Variants in CTNNA3 observed in about 807,000 individuals in gnomAD.
The protein encoded by CTNNA3 is catenin alpha 3, also known as catenin alpha-3.
Under a neutral mutation model 95.7 loss-of-function variants are expected in CTNNA3, and 76 were observed. That is an observed-to-expected ratio of 0.79 (90% CI 0.66 to 0.96). The LOEUF (loss-of-function observed/expected upper bound fraction) is 0.96, where lower values mean the gene tolerates loss of function less well. Ranked by LOEUF, CTNNA3 falls within the 40% of genes least tolerant of loss-of-function variation. CTNNA3 has a pLI of 0.00. For synonymous variants in CTNNA3, 431 were observed against 374.4 expected, an observed-to-expected ratio of 1.15 and a Z score of -1.74; for missense variants, 1,191 against 1,089.8, an observed-to-expected ratio of 1.09 and a Z score of -1.31.
At chr10:66,753,440 G>A (rs1434689459) in intron 9 of CTNNA3, among the ~76,000 whole-genome samples, 1 of 151,990 alleles carries the variant, frequency 6.6e-6, no homozygotes, top group South Asian at 2.1e-4. Flanking sequence ...AAGTGGGCAG[G>A]TCACCTGAGG....
chr10:67,019,303 C>T (rs543141787), intron 7 of CTNNA3, among the ~76,000 whole-genome samples: 8 of 152,350 alleles, frequency 5.3e-5, no homozygotes, highest in Non-Finnish European at 1.5e-5. Flanking sequence ...ACCACAACCT[C>T]TGCCTTCCGG....
intron 3 of CTNNA3, among the ~76,000 whole-genome samples, chr10:67,540,346 T>C (rs1168113451): frequency 2.6e-5 from 4 of 152,132 alleles, no homozygotes; most frequent in Admixed American, 2.0e-4. Flanking sequence ...AACAACATAA[T>C]TGATAATTAC....
At chr10:65,967,454 T>C (rs2077996892) in intron 16 of CTNNA3, among the ~76,000 whole-genome samples, 1 of 152,150 alleles carries the variant, frequency 6.6e-6, no homozygotes, top group African/African-American at 2.4e-5. Context: ...AGACTCATGG[T>C]CTCTACACTG....
rs553706608 is a variant in CTNNA3, at chr10:67,486,751, T to C, written c.579+35091A>G. Among the ~76,000 whole-genome samples the C allele has an allele frequency of 3.3e-5, 5 of 152,330 alleles. 1 individual carries two copies. The South Asian group carries it at 1.0e-3, about 32-fold the overall frequency. ...TTTGTCCTCTGATTTTGTTCTACAT[T>C]TGTGGAAATAGATAATAGCCATTTG... On this transcript the variant is annotated intron_variant, in intron 5 of 17. Transcript: ENST00000433211.
chr10:66,811,023 T>C (rs894277667), intron 7 of CTNNA3, among the ~76,000 whole-genome samples: 3 of 152,220 alleles, frequency 2.0e-5, no homozygotes, highest in East Asian at 3.8e-4. Flanking sequence ...AGTGGAACTT[T>C]AGATAAACGC....
chr10:67,222,682 C>T (rs1864716630), intron 5 of CTNNA3, among the ~76,000 whole-genome samples: 1 of 152,124 alleles, frequency 6.6e-6, no homozygotes, highest in South Asian at 2.1e-4. Flanking sequence ...TGCACAGCTC[C>T]TCAGATGAGT....
chr10:66,830,749 A>G (rs773572770), intron 7 of CTNNA3, among the ~76,000 whole-genome samples: 1 of 152,052 alleles, frequency 6.6e-6, no homozygotes, highest in Non-Finnish European at 1.5e-5. Flanking sequence ...AGCTGGGACT[A>G]CAGGCGCCCG....
intron 13 of CTNNA3, among the ~76,000 whole-genome samples, chr10:66,127,990 T>G (rs1181630388): frequency 6.6e-6 from 1 of 152,026 alleles, no homozygotes. Flanking sequence ...GAGAATCGCT[T>G]GAAACTGGGA....
intron 13 of CTNNA3, among the ~76,000 whole-genome samples, chr10:66,142,942 A>T (rs2083692613): frequency 6.6e-6 from 1 of 152,132 alleles, no homozygotes; most frequent in Non-Finnish European, 1.5e-5. Context: ...AATACTTAGT[A>T]GATCATCTCA....
intron 5 of CTNNA3, among the ~76,000 whole-genome samples, chr10:67,306,036 G>A (rs930381276): frequency 1.3e-5 from 2 of 152,322 alleles, no homozygotes; most frequent in Non-Finnish European, 2.9e-5. Flanking sequence ...AGTTTCAGAA[G>A]TGGGGTGGAA....
intron 7 of CTNNA3, among the ~76,000 whole-genome samples, chr10:66,964,067 G>A (rs560905495): frequency 6.6e-6 from 1 of 151,854 alleles, no homozygotes; most frequent in East Asian, 1.9e-4. Flanking sequence ...GGCCAGGATG[G>A]TCTCGATCTT....
chr10:66,868,209 T>C (rs1478212527), intron 7 of CTNNA3, among the ~76,000 whole-genome samples: 4 of 148,528 alleles, frequency 2.7e-5, no homozygotes, highest in Non-Finnish European at 4.5e-5. Context: ...ATACAAAACA[T>C]AGCCGGGCAT....
chr10:66,978,546 AAAAAAAAT>A (rs1487594099), intron 7 of CTNNA3, among the ~76,000 whole-genome samples: 2 of 71,738 alleles, frequency 2.8e-5, no homozygotes, highest in African/African-American at 9.2e-5. Flanking sequence ...AAAAAAAAAA[AAAAAAAAT>A]ATATATATAT....
chr10:67,138,993 T>C (rs879267111), intron 7 of CTNNA3, among the ~76,000 whole-genome samples: 3 of 152,126 alleles, frequency 2.0e-5, no homozygotes, highest in Non-Finnish European at 2.9e-5. Context: ...TTAATATAAA[T>C]ACAAAATAAA....
intron 11 of CTNNA3, among the ~76,000 whole-genome samples, chr10:66,398,720 T>C (rs544156198): frequency 9.2e-5 from 14 of 152,094 alleles, no homozygotes; most frequent in African/African-American, 3.1e-4. Flanking sequence ...AATCTTCTCT[T>C]TTACTCAATT....
At chr10:66,101,120 A>C (rs1307491212) in intron 14 of CTNNA3, among the ~76,000 whole-genome samples, 2 of 152,204 alleles carry the variant, frequency 1.3e-5, no homozygotes, top group Admixed American at 1.3e-4. Flanking sequence ...AAGCAAGAGC[A>C]AAGCTTACTT....
At chr10:67,211,280 A>AC (rs1209380171) in intron 6 of CTNNA3, among the ~76,000 whole-genome samples, 1 of 151,970 alleles carries the variant, frequency 6.6e-6, no homozygotes, top group Non-Finnish European at 1.5e-5. Flanking sequence ...AAAAAAAAAA[A>AC]ACATTACTAT....
chr10:67,230,737 G>A (rs139951251), intron 5 of CTNNA3, among the ~76,000 whole-genome samples: 1,556 of 152,306 alleles, frequency 0.01, 16 homozygotes, highest in African/African-American at 0.024. Context: ...GAAGACAGGT[G>A]ATTTCTGCAT....
chr10:66,275,824 G>T lies in CTNNA3; in HGVS notation c.1884+4646C>A, dbSNP rs906155534. Among the ~76,000 whole-genome samples, 11 of 147,316 alleles carry T rather than the reference G, an allele frequency of 7.5e-5. No individual in the cohort carries two copies. The South Asian group carries it at 2.1e-3, about 29-fold the overall frequency. On this transcript the variant is annotated intron_variant, in intron 13 of 17. Coordinates refer to ENST00000433211, the MANE Select transcript of CTNNA3 (RefSeq NM_013266.4). ...GAAAAGATGTCTACAAGGCCACCAA[G>T]AAAAAAAAAATGTTAAGGAAGAAAA...
Sources: gnomAD v4.1 joint callset for allele counts (sites outside exome capture counted in the v4.1 genomes callset) on GRCh38, gnomAD v4.1.1 for gene constraint, MANE v1.5 for transcripts, NCBI Gene and HGNC (gene_info 2026-07-23, HGNC 2026-07-21) for gene names.